CD2AP: variants seen among roughly 807,000 people sequenced by gnomAD.
CD2AP encodes CD2-associated protein.
In CD2AP, 46 loss-of-function variants were observed where a neutral mutation model predicts 85.1. The observed-to-expected ratio is 0.54, with a 90% CI of 0.43 to 0.69. The LOEUF is 0.69. CD2AP is among the 30% of genes least tolerant of loss of function. CD2AP has a pLI of 0.00. For synonymous variants in CD2AP, 255 were observed against 252.9 expected (o/e 1.01, Z -0.08); for missense variants, 769 against 729.5 (o/e 1.05, Z -0.62).
At chr6:47,484,507 A>C (rs1380155107) in intron 1 of CD2AP, among the ~76,000 whole-genome samples, 1 of 152,198 alleles carries the variant, frequency 6.6e-6, no homozygotes, top group Non-Finnish European at 1.5e-5. Context: ...TTATCCTAGA[A>C]TAAACAATGC....
At chr6:47,520,730 GTTTTTTTTTTTT>G (rs35163088) in intron 2 of CD2AP, among the ~76,000 whole-genome samples, 1 of 86,362 alleles carries the variant, frequency 1.2e-5, no homozygotes, top group South Asian at 4.6e-4. Context: ...TGGTGCTACA[GTTTTTTTTTTTT>G]TTTTTTTTTT....
chr6:47,484,570 G>T (rs1343884706), intron 1 of CD2AP, among the ~76,000 whole-genome samples: 5 of 152,150 alleles, frequency 3.3e-5, no homozygotes, highest in African/African-American at 1.2e-4. Flanking sequence ...TGTTGTTCCA[G>T]TGTCAGGTAT....
intron 17 of CD2AP, among the ~76,000 whole-genome samples, chr6:47,621,988 A>AG (rs1342474345): frequency 6.6e-6 from 1 of 152,186 alleles, no homozygotes; most frequent in Non-Finnish European, 1.5e-5. Flanking sequence ...GGCATGTCTG[A>AG]GCTCACGCTC....
chr6:47,548,216 A>G (rs1767417684), intron 4 of CD2AP, among the ~76,000 whole-genome samples: 1 of 152,192 alleles, frequency 6.6e-6, no homozygotes, highest in Non-Finnish European at 1.5e-5. Flanking sequence ...AGCAGAACTA[A>G]GTGAAATTGG....
intron 1 of CD2AP, among the ~76,000 whole-genome samples, chr6:47,498,263 TTTTAA>T (rs1326343359): frequency 3.3e-5 from 5 of 149,836 alleles, no homozygotes; most frequent in African/African-American, 5.1e-5. Context: ...CTTCAGTGAC[TTTTAA>T]TTTTTCTTTT....
At position 47,597,836 on chromosome 6, in the gene CD2AP, TA is replaced by T. The variant is rs559730545; in HGVS notation, c.1275-1462del. Among the ~76,000 whole-genome samples the T allele has an allele frequency of 3.8e-4, 58 of 150,748 alleles. 1 individual carries two copies. In the South Asian group the frequency reaches 0.012, roughly 30 times the overall value. On this transcript the variant is annotated intron_variant, in intron 12 of 17. Coordinates refer to ENST00000359314, the MANE Select transcript of CD2AP (RefSeq NM_012120.3). ...AGGCTGCAGAGATGGCTGTCTGGAA[TA>T]AAGTTGGCCTGGGTGATAATCCTGG...
At chr6:47,606,095 T>C (rs1426482338) in intron 13 of CD2AP, 70 bp from the exon 14 acceptor site, 1 of 844,900 alleles carries the variant, frequency 1.2e-6, no homozygotes, top group African/African-American at 1.7e-5. Flanking sequence ...GTCCAAAAAC[T>C]GAAACATTAT....
At chr6:47,479,783 AAAT>A (rs1479318215) in intron 1 of CD2AP, among the ~76,000 whole-genome samples, 1 of 152,142 alleles carries the variant, frequency 6.6e-6, no homozygotes. Flanking sequence ...GCTAAATTCT[AAAT>A]AATATTTGTT....
At chr6:47,587,011 C>T (rs1768648136) in intron 11 of CD2AP, among the ~76,000 whole-genome samples, 1 of 152,130 alleles carries the variant, frequency 6.6e-6, no homozygotes, top group Non-Finnish European at 1.5e-5. Context: ...AGAAAAATGT[C>T]AGTGTTTTGC....
chr6:47,624,080 A>C (rs1769834280), intron 17 of CD2AP, 106 bp from the exon 18 acceptor site: 1 of 952,768 alleles, frequency 1.0e-6, no homozygotes, highest in Admixed American at 2.1e-5. Flanking sequence ...TCTGGAAAAA[A>C]AGTCTGAAGG....
intron 13 of CD2AP, among the ~76,000 whole-genome samples, chr6:47,603,923 T>G (rs758432806): frequency 6.6e-6 from 1 of 152,092 alleles, no homozygotes; most frequent in Non-Finnish European, 1.5e-5. Flanking sequence ...TTACTGAAAG[T>G]GTACATGTCT....
At position 47,625,850 on chromosome 6, in the gene CD2AP, A is replaced by G. The variant is rs1403975548; in HGVS notation, c.*1623A>G. ...GGGGGAATGCTAATTATATATTGAGAATATACATTAGAACTCTTCAAAATG... is the reference window on the plus strand; with the variant it reads ...GGGGGAATGCTAATTATATATTGAGGATATACATTAGAACTCTTCAAAATG... On this transcript the variant is annotated 3_prime_UTR_variant, in exon 18 of 18. Transcript: ENST00000359314. 1.3e-5 allele frequency: 2 copies of G among 151,860 alleles called. No individual in the cohort carries two copies. Among genetic ancestry groups the G allele is most frequent in the African/African-American group, 4.8e-5 (2 of 41,412 alleles). 9.4% of individuals were successfully genotyped at this position (151,860 alleles called of 1,614,324 possible).
At chr6:47,551,207 A>T (rs1767514111) in intron 4 of CD2AP, among the ~76,000 whole-genome samples, 3 of 152,176 alleles carry the variant, frequency 2.0e-5, no homozygotes, top group Admixed American at 6.6e-5. Flanking sequence ...AAAAAAATTT[A>T]AAATAATTTT....
chr6:47,533,843 T>C, intron 3 of CD2AP, 88 bp downstream of exon 3: 1 of 1,353,788 alleles, frequency 7.4e-7, no homozygotes, highest in Non-Finnish European at 1.0e-6. Flanking sequence ...ATTAGTTCAG[T>C]CTTTTGTAGA....
At chr6:47,515,650 C>T (rs1175766568) in intron 2 of CD2AP, among the ~76,000 whole-genome samples, 1 of 152,116 alleles carries the variant, frequency 6.6e-6, no homozygotes, top group African/African-American at 2.4e-5. Context: ...TGTGATCATT[C>T]TGTAACGTCC....
At chr6:47,558,679 A>T (rs1582557559) in intron 5 of CD2AP, among the ~76,000 whole-genome samples, 1 of 152,248 alleles carries the variant, frequency 6.6e-6, no homozygotes, top group Non-Finnish European at 1.5e-5. Context: ...AGCTGACTTG[A>T]TTGTGGTGGA....
In CD2AP at chr6:47,486,429, A is replaced by T. The variant is rs1023160996; in HGVS notation, c.4+8181A>T. The stretch of plus-strand genomic sequence containing the variant: ...TGTGAATCCATTAGAAAAATAAACG[A>T]GAGAGAGAGTATAGGGTCAGTGTCA... On this transcript the variant is annotated intron_variant, in intron 1 of 17. Transcript: ENST00000359314. Among the ~76,000 whole-genome samples, 4 of 146,440 alleles carry T rather than the reference A, an allele frequency of 2.7e-5. No individual in the cohort carries two copies. The South Asian group carries it at 9.8e-4, about 36-fold the overall frequency.
chr6:47,550,140 A>G (rs1007667936), intron 4 of CD2AP, among the ~76,000 whole-genome samples: 3 of 152,222 alleles, frequency 2.0e-5, no homozygotes, highest in South Asian at 2.1e-4. Context: ...CCTTCTAGAC[A>G]TTGACTTTGG....
At position 47,503,393 on chromosome 6, in the gene CD2AP, G is replaced by A. The variant is rs1482597215; in HGVS notation, c.118G>A (p.Gly40Arg). The stretch of plus-strand genomic sequence containing the variant: ...GCTACAGGAGGAAGGGTGGCTGGAA[G>A]GAGAACTAAATGGGAGAAGAGGAAT... Reference protein sequence around the residue: ...KKLQEEGWLEGELNGRRGMFP... With the variant: ...KKLQEEGWLERELNGRRGMFP... The change falls in exon 2 of 18, where the codon GGA becomes AGA. Residue 40 changes from glycine (G) to arginine (R), a missense_variant. Physicochemically the swap from Gly to Arg is moderately radical, Grantham distance 125. Coordinates refer to ENST00000359314, the MANE Select transcript of CD2AP (RefSeq NM_012120.3). The A allele has an allele frequency of 2.5e-6, 4 of 1,613,776 alleles. No homozygotes were observed. The highest frequency in any genetic ancestry group is 3.4e-6 in the Non-Finnish European group (4 of 1,179,864).
Sources: allele counts gnomAD v4.1 joint callset (sites outside exome capture counted in the v4.1 genomes callset), GRCh38; gene constraint gnomAD v4.1.1; transcripts MANE v1.5; gene names NCBI Gene and HGNC (gene_info 2026-07-23, HGNC 2026-07-21).